Variants in RPF2 observed in about 807,000 individuals in gnomAD.
RPF2 encodes ribosome production factor 2 homolog, also known as brix domain containing 1.
In RPF2, 21 loss-of-function variants were observed where a neutral mutation model predicts 38.9. The observed-to-expected ratio is 0.54, with a 90% CI of 0.38 to 0.78. RPF2 has a LOEUF of 0.78. RPF2 is among the 30% of genes least tolerant of loss of function. RPF2 has a pLI of 0.00. For synonymous variants in RPF2, 121 were observed against 126.2 expected (o/e 0.96, Z 0.28); for missense variants, 314 against 358.1 (o/e 0.88, Z 0.99).
intron 8 of RPF2, among the ~76,000 whole-genome samples, chr6:111,023,964 G>A (rs915953588): frequency 1.3e-5 from 2 of 151,852 alleles, no homozygotes; most frequent in Admixed American, 1.3e-4. Flanking sequence ...CTCCAGCCTG[G>A]GGACAGAGCG....
Position 111,001,963 on chromosome 6 carries a change from G to T in RPF2, c.393+2176G>T, listed in dbSNP as rs118006438. 5.2e-4 allele frequency among the ~76,000 whole-genome samples: 79 copies of T among 152,318 alleles called. No homozygotes were observed. The East Asian group carries it at 9.3e-3, about 18-fold the overall frequency. ...ATTTGAGACAAGCCTGGGCAACGTA[G>T]TGAGACATTGTCTCATATATGTATA... On this transcript the variant is annotated intron_variant, in intron 6 of 9. Transcript: ENST00000441448.
chr6:110,994,734 T>TATAC lies in RPF2; in HGVS notation c.235-2448_235-2447insTACA, dbSNP rs1436106936. 2.9e-3 allele frequency among the ~76,000 whole-genome samples: 389 copies of TATAC among 134,134 alleles called. 5 individuals are homozygous for TATAC. The highest frequency in any genetic ancestry group is 5.5e-3 in the African/African-American group (172 of 31,248). The allele number at this position is 134,134 out of a possible 152,430, so 88.0% of individuals were successfully genotyped here. On this transcript the variant is annotated intron_variant, in intron 4 of 9. Coordinates refer to ENST00000441448, the MANE Select transcript of RPF2 (RefSeq NM_032194.3). ...TTGTGGAGAATGGGATGAGTATATA[T>TATAC]ACACACACACACACACACACACACA...
At chr6:110,990,559 A>ACC (rs34703789) in intron 3 of RPF2, among the ~76,000 whole-genome samples, 96 of 77,318 alleles carry the variant, frequency 1.2e-3, no homozygotes, top group Non-Finnish European at 1.8e-3. Flanking sequence ...GCAATTGGGA[A>ACC]CCCCCCCCCC....
At chr6:111,010,663 C>T (rs7752501) in intron 7 of RPF2, among the ~76,000 whole-genome samples, 19,650 of 152,136 alleles carry the variant, frequency 0.13, 1,761 homozygotes, top group East Asian at 0.5. Flanking sequence ...TGCTACACTT[C>T]TTGTTACCCT....
chr6:111,016,756 C>T (rs981956259), intron 8 of RPF2, among the ~76,000 whole-genome samples: 1 of 137,152 alleles, frequency 7.3e-6, no homozygotes, highest in African/African-American at 2.8e-5. Context: ...GGTCATAGGG[C>T]AATAGTGGAG....
intron 7 of RPF2, 42 bp from the exon 8 acceptor site, chr6:111,015,712 G>C (rs780812281): frequency 5.2e-6 from 7 of 1,349,442 alleles, no homozygotes; most frequent in Non-Finnish European, 7.4e-6. Flanking sequence ...AATTTTGCAA[G>C]TATTTGTTTT....
At chr6:111,011,927 T>C (rs540749661) in intron 7 of RPF2, among the ~76,000 whole-genome samples, 10 of 152,132 alleles carry the variant, frequency 6.6e-5, no homozygotes, top group Non-Finnish European at 1.2e-4. Flanking sequence ...GAGGAACAGA[T>C]TCAGACTGTA....
intron 8 of RPF2, among the ~76,000 whole-genome samples, chr6:111,016,934 C>T (rs1772125752): frequency 6.6e-6 from 1 of 151,964 alleles, no homozygotes; most frequent in Non-Finnish European, 1.5e-5. Flanking sequence ...GCACATCTTG[C>T]ACCGCCCTTA....
chr6:110,991,492 A>C (rs949646413), intron 3 of RPF2, among the ~76,000 whole-genome samples: 1 of 151,764 alleles, frequency 6.6e-6, no homozygotes, highest in Non-Finnish European at 1.5e-5. Context: ...AGGATGCAGA[A>C]TCCATATGTA....
At chr6:110,995,066 G>A (rs974491135) in intron 4 of RPF2, among the ~76,000 whole-genome samples, 1 of 149,478 alleles carries the variant, frequency 6.7e-6, no homozygotes, top group South Asian at 2.2e-4. Context: ...CACCATACCC[G>A]GATTTTTTTT....
At chr6:111,024,046 T>C in intron 8 of RPF2, 137 bp from the exon 9 acceptor site, 2 of 728,436 alleles carry the variant, frequency 2.7e-6, no homozygotes, top group South Asian at 2.4e-5. Context: ...GCTTGAATAG[T>C]ATTAAGTATT....
chr6:111,010,917 A>ATTAG (rs562804668), intron 7 of RPF2, among the ~76,000 whole-genome samples: 25 of 152,296 alleles, frequency 1.6e-4, no homozygotes, highest in African/African-American at 6.0e-4. Flanking sequence ...TATTTCCCGT[A>ATTAG]TTAGTAATAG....
At chr6:111,013,022 T>A (rs1038550040) in intron 7 of RPF2, among the ~76,000 whole-genome samples, 2 of 152,218 alleles carry the variant, frequency 1.3e-5, no homozygotes, top group African/African-American at 4.8e-5. Context: ...GTTCATAAAG[T>A]TATTTATCAT....
intron 8 of RPF2, among the ~76,000 whole-genome samples, chr6:111,023,869 TC>T (rs1772275239): frequency 6.6e-6 from 1 of 151,896 alleles, no homozygotes; most frequent in Non-Finnish European, 1.5e-5. Context: ...GTGCCTGTAG[TC>T]CCAGCTACTC....
At chr6:110,997,315 G>C (rs1462130082) in intron 5 of RPF2, 51 bp downstream of exon 5, 2 of 1,128,984 alleles carry the variant, frequency 1.8e-6, no homozygotes, top group African/African-American at 1.5e-5. Flanking sequence ...CAATTTGTTA[G>C]CAGCAGCGAA....
chr6:111,025,149 G>A (rs1405994691), intron 9 of RPF2, among the ~76,000 whole-genome samples: 2 of 152,188 alleles, frequency 1.3e-5, no homozygotes, highest in Admixed American at 1.3e-4. Flanking sequence ...TGGCCTGACA[G>A]TTTACCTGGG....
chr6:111,011,019 G>A (rs1772003473), intron 7 of RPF2, among the ~76,000 whole-genome samples: 2 of 152,080 alleles, frequency 1.3e-5, no homozygotes, highest in Admixed American at 1.3e-4. Flanking sequence ...TTCACAGATG[G>A]GAAAACAAAC....
At position 111,025,638 on chromosome 6, in the gene RPF2, G is replaced by C. The variant is rs188461842; in HGVS notation, c.*56G>C. ...GTGTTCTACTTAAGAGAATTATCAA[G>C]CGTCAATCCATTCAGAGTTTCTTAT... On this transcript the variant is annotated 3_prime_UTR_variant, in exon 10 of 10. Coordinates refer to ENST00000441448, the MANE Select transcript of RPF2 (RefSeq NM_032194.3). 24 of 1,317,004 alleles carry C rather than the reference G, an allele frequency of 1.8e-5. No individual in the cohort carries two copies. In the African/African-American group the frequency reaches 3.3e-4, roughly 18 times the overall value. 81.6% of individuals were successfully genotyped at this position (1,317,004 alleles called of 1,614,324 possible).
At chr6:110,983,624 G>T (rs571144240) in intron 1 of RPF2, among the ~76,000 whole-genome samples, 1 of 152,280 alleles carries the variant, frequency 6.6e-6, no homozygotes, top group East Asian at 1.9e-4. Flanking sequence ...ATTACAGGCT[G>T]TGGGCCACCT....
Sources: gnomAD v4.1 joint callset for allele counts (sites outside exome capture counted in the v4.1 genomes callset) on GRCh38, gnomAD v4.1.1 for gene constraint, MANE v1.5 for transcripts, NCBI Gene and HGNC (gene_info 2026-07-23, HGNC 2026-07-21) for gene names.